The following ACOXL variants were observed in gnomAD, a reference collection of about 807,000 sequenced individuals.
ACOXL encodes acyl-CoA oxidase like, also known as acyl-coenzyme A oxidase-like protein.
A neutral mutation model predicts 71.9 loss-of-function variants in ACOXL; 70 were observed. The ratio of observed to expected loss-of-function variants is 0.97; its 90% confidence interval spans 0.80 to 1.19. The LOEUF (loss-of-function observed/expected upper bound fraction) is 1.19. Among genes scored for constraint, ACOXL ranks in the 50% most tolerant of loss-of-function variants. ACOXL has a pLI of 0.00. For synonymous variants in ACOXL, 253 were observed against 281.6 expected (o/e 0.90, Z 1.02); for missense variants, 703 against 736.3 (o/e 0.95, Z 0.52).
rs191748214 is a variant in ACOXL at position 110,942,991 on chromosome 2, G to A, written c.1059+9349G>A. Among the ~76,000 whole-genome samples the A allele has an allele frequency of 1.3e-3, 175 of 137,848 alleles. 1 individual carries two copies. The highest frequency in any genetic ancestry group is 4.5e-3 in the African/African-American group (172 of 38,038). 90.4% of individuals were successfully genotyped at this position (137,848 alleles called of 152,430 possible). On this transcript the variant is annotated intron_variant, in intron 12 of 17. Transcript: ENST00000439055. ...AAAAAAAAGAAGAGTGGGAGGGAGG[G>A]AGGGAGGAAGGAAGGAAAGAAAGAG...
intron 17 of ACOXL, among the ~76,000 whole-genome samples, chr2:111,109,982 C>G (rs1269299295): frequency 2.6e-5 from 4 of 152,036 alleles, no homozygotes; most frequent in Admixed American, 2.6e-4. Context: ...CTGGCCTTCT[C>G]CTTGTAAATT....
At chr2:110,855,352 A>G (rs967955160) in intron 10 of ACOXL, among the ~76,000 whole-genome samples, 1 of 152,214 alleles carries the variant, frequency 6.6e-6, no homozygotes, top group Non-Finnish European at 1.5e-5. Context: ...AGATAAGGGC[A>G]CTAATGCTCA....
At chr2:111,117,187 C>T (rs1466874437) in intron 17 of ACOXL, among the ~76,000 whole-genome samples, 2 of 152,186 alleles carry the variant, frequency 1.3e-5, no homozygotes, top group African/African-American at 4.8e-5. Context: ...TCCCTCTGCG[C>T]GCCAGAGGGT....
chr2:111,089,580 A>G (rs928064780), intron 16 of ACOXL, among the ~76,000 whole-genome samples: 1 of 152,222 alleles, frequency 6.6e-6, no homozygotes, highest in South Asian at 2.1e-4. Flanking sequence ...CCATATAAAC[A>G]AGATGACTTT....
At chr2:110,960,158 A>G (rs1038134274) in intron 12 of ACOXL, among the ~76,000 whole-genome samples, 3 of 152,184 alleles carry the variant, frequency 2.0e-5, no homozygotes, top group Non-Finnish European at 4.4e-5. Context: ...GGAGTGTTCC[A>G]GGCAGTGGGA....
intron 17 of ACOXL, among the ~76,000 whole-genome samples, chr2:111,095,953 T>G (rs2068777938): frequency 6.6e-6 from 1 of 152,172 alleles, no homozygotes; most frequent in Admixed American, 6.5e-5. Flanking sequence ...CCATACCTCT[T>G]TGCAGGGATC....
intron 5 of ACOXL, 127 bp from the exon 6 acceptor site, chr2:110,798,483 C>T: frequency 1.5e-6 from 1 of 680,398 alleles, no homozygotes; most frequent in East Asian, 2.9e-5. Context: ...GTCTCGATCT[C>T]CTGACCTCGT....
At chr2:111,092,640 T>A (rs2068590521) in intron 16 of ACOXL, among the ~76,000 whole-genome samples, 1 of 152,226 alleles carries the variant, frequency 6.6e-6, no homozygotes, top group Admixed American at 6.5e-5. Context: ...TTCGTTATGC[T>A]ATTTGTTCTA....
intron 10 of ACOXL, among the ~76,000 whole-genome samples, chr2:110,857,501 GT>G (rs1380802942): frequency 1.3e-5 from 2 of 152,096 alleles, no homozygotes; most frequent in Non-Finnish European, 2.9e-5. Context: ...GAGGAAGAGG[GT>G]TTGGGCCAAC....
Position 111,117,686 on chromosome 2 carries a change from C to T in ACOXL, c.1613C>T (p.Thr538Ile), listed in dbSNP as rs1384078730. ...ATCTCGACCTTTAACATTCCACACA[C>T]CTACCTCCACGCACCAATCGCCGGA... ...RVISTFNIPH[T>I]YLHAPIAGIS... Residue 538 changes from threonine (T) to isoleucine (I), a missense_variant, in exon 18 of 18, where the codon ACC (threonine) becomes ATC (isoleucine). Thr to Ile is a moderately conservative substitution (Grantham distance 89). Transcript: ENST00000439055. The T allele has an allele frequency of 3.2e-6, 5 of 1,551,682 alleles. No individual in the cohort carries two copies. Among genetic ancestry groups the T allele is most frequent in the Non-Finnish European group, 4.4e-6 (5 of 1,147,020 alleles).
At chr2:110,808,043 C>T (rs2105386157) in intron 9 of ACOXL, among the ~76,000 whole-genome samples, 1 of 152,134 alleles carries the variant, frequency 6.6e-6, no homozygotes, top group East Asian at 1.9e-4. Context: ...CCATATTGAC[C>T]ATCATCTAAT....
At chr2:111,023,310 G>A (rs546529361) in intron 14 of ACOXL, among the ~76,000 whole-genome samples, 8 of 152,250 alleles carry the variant, frequency 5.3e-5, no homozygotes, top group Non-Finnish European at 1.0e-4. Flanking sequence ...TACAAGGGGA[G>A]GAATGTTTTA....
At chr2:110,944,165 C>A (rs1286639059) in intron 12 of ACOXL, among the ~76,000 whole-genome samples, 1 of 152,110 alleles carries the variant, frequency 6.6e-6, no homozygotes, top group Non-Finnish European at 1.5e-5. Context: ...TCAAGCGATT[C>A]TCCGGCCTCA....
At chr2:111,014,163 C>T (rs921037524) in intron 14 of ACOXL, among the ~76,000 whole-genome samples, 18 of 152,084 alleles carry the variant, frequency 1.2e-4, no homozygotes, top group African/African-American at 2.9e-4. Flanking sequence ...CTCCTAAAGA[C>T]GGAACAAGGC....
At chr2:110,882,247 G>A (rs79530332) in intron 10 of ACOXL, among the ~76,000 whole-genome samples, 1 of 151,896 alleles carries the variant, frequency 6.6e-6, no homozygotes, top group Non-Finnish European at 1.5e-5. Context: ...ATTTGCCTAC[G>A]CTTGTTTGCT....
chr2:110,740,504 C>T (rs995553090), intron 1 of ACOXL, among the ~76,000 whole-genome samples: 3 of 152,188 alleles, frequency 2.0e-5, no homozygotes, highest in African/African-American at 4.8e-5. Context: ...TTCTCTTCTC[C>T]CCATTAACAT....
chr2:110,972,490 C>T (rs1205719194), intron 12 of ACOXL, among the ~76,000 whole-genome samples: 1 of 152,112 alleles, frequency 6.6e-6, no homozygotes, highest in Non-Finnish European at 1.5e-5. Context: ...CCCAGGGTCA[C>T]CCCCAGGATT....
intron 12 of ACOXL, among the ~76,000 whole-genome samples, chr2:110,975,463 A>T (rs892490787): frequency 6.6e-6 from 1 of 152,058 alleles, no homozygotes; most frequent in Non-Finnish European, 1.5e-5. Flanking sequence ...AGTAAGTTGC[A>T]GACGTCAAAA....
At chr2:110,856,547 G>T (rs1318032847) in intron 10 of ACOXL, among the ~76,000 whole-genome samples, 1 of 152,200 alleles carries the variant, frequency 6.6e-6, no homozygotes, top group Non-Finnish European at 1.5e-5. Context: ...CATATGCTGC[G>T]GTTGCTAAGA....
Sources: allele counts gnomAD v4.1 joint callset (sites outside exome capture counted in the v4.1 genomes callset), GRCh38; gene constraint gnomAD v4.1.1; transcripts MANE v1.5; gene names NCBI Gene and HGNC (gene_info 2026-07-23, HGNC 2026-07-21).